Variants in KMT2A observed in about 807,000 individuals in gnomAD.
KMT2A encodes lysine methyltransferase 2A, also known as histone-lysine N-methyltransferase 2A.
Under a neutral mutation model 345.3 loss-of-function variants are expected in KMT2A, and 16 were observed. The ratio of observed to expected loss-of-function variants is 0.05; its 90% confidence interval spans 0.03 to 0.07. The LOEUF (loss-of-function observed/expected upper bound fraction) is 0.07, where lower values mean the gene tolerates loss of function less well. KMT2A is among the 10% of genes least tolerant of loss of function. KMT2A has a pLI of 1.00. For missense variants in KMT2A, 3,272 were observed against 4,841.6 expected, an observed-to-expected ratio of 0.68 and a Z score of 9.62; for synonymous variants, 1,599 against 1,778.6, an observed-to-expected ratio of 0.90 and a Z score of 2.54.
In KMT2A at chr11:118,491,699, T is replaced by C. The variant is rs562780; in HGVS notation, c.4820-45T>C. Reference sequence around the variant, plus strand: ...AATAGTTTCCTCTTCTTCCTCTCTCTCATTCTTCAGAGGACCTCATCATGG... The same window carrying C: ...AATAGTTTCCTCTTCTTCCTCTCTCCCATTCTTCAGAGGACCTCATCATGG... On this transcript the variant is annotated intron_variant, in intron 14 of 35. Coordinates refer to ENST00000534358, the MANE Select transcript of KMT2A (RefSeq NM_001197104.2). This position sits in a 1 kb window ranked among gnomAD's most constrained non-coding sequence, Gnocchi z 4.2. The C allele has an allele frequency of 0.85, 1,210,188 of 1,417,222 alleles. 522,081 individuals are homozygous for C. Among genetic ancestry groups the C allele is most frequent in the Admixed American group, 0.93 (43,777 of 46,994 alleles). The allele number at this position is 1,417,222 out of a possible 1,614,324, so 87.8% of individuals were successfully genotyped here.
Position 118,481,613 on chromosome 11 carries a change from C to A in KMT2A, c.3635-102C>A, listed in dbSNP as rs1451506533. The stretch of plus-strand genomic sequence containing the variant: ...CTGATTTCCTTTATTTTGGTATATA[C>A]CTAGCTGTGGGATTGCTGGATCATA... On this transcript the variant is annotated intron_variant, in intron 6 of 35. Transcript: ENST00000534358. The A allele has an allele frequency of 2.4e-6, 3 of 1,267,752 alleles. No individual in the cohort carries two copies. In the Admixed American group the frequency reaches 6.9e-5, roughly 29 times the overall value. 78.5% of individuals were successfully genotyped at this position (1,267,752 alleles called of 1,614,324 possible).
intron 24 of KMT2A, chr11:118,500,782 T>C (rs1950488370): frequency 2.5e-6 from 1 of 406,312 alleles, no homozygotes; most frequent in South Asian, 8.6e-5. Flanking sequence ...CTTAGGCTAT[T>C]TTCTGAGAGG....
intron 1 of KMT2A, chr11:118,449,075 T>C (rs1361263485): frequency 1.3e-5 from 2 of 152,142 alleles, no homozygotes; most frequent in Middle Eastern, 3.2e-3. Context: ...GTTGGAGTAA[T>C]AAAAAATACC....
chr11:118,488,541 A>C, intron 10 of KMT2A, 73 bp from the exon 11 acceptor site: 1 of 1,524,490 alleles, frequency 6.6e-7, no homozygotes, highest in Non-Finnish European at 9.1e-7. Flanking sequence ...AAAGTATATA[A>C]GAAGGGTATG....
intron 1 of KMT2A, among the ~76,000 whole-genome samples, chr11:118,440,410 G>A (rs1230951917): frequency 6.6e-6 from 1 of 152,102 alleles, no homozygotes; most frequent in Non-Finnish European, 1.5e-5. Flanking sequence ...ATTCTCTCAG[G>A]TAATGTTCAT....
intron 1 of KMT2A, among the ~76,000 whole-genome samples, chr11:118,466,269 G>A (rs1471385104): frequency 1.3e-5 from 2 of 152,068 alleles, no homozygotes; most frequent in African/African-American, 4.8e-5. Flanking sequence ...GTTTGAGGCT[G>A]CAGTGAGCCG....
chr11:118,511,996 A>T lies in KMT2A; in HGVS notation c.11117A>T (p.Asn3706Ile). 1 of 1,614,128 alleles carries T rather than the reference A, an allele frequency of 6.2e-7. No individual in the cohort carries two copies. The highest frequency in any genetic ancestry group is 1.1e-5 in the South Asian group (1 of 91,082). The change falls in exon 31 of 36, where the codon AAT becomes ATT. Residue 3706 changes from asparagine (N) to isoleucine (I), a missense_variant. Physicochemically the swap from Asn to Ile is moderately radical, Grantham distance 149. Around this residue, in one of 27 missense-constraint regions of KMT2A, gnomAD observed 72 missense variants for 135.6 expected, o/e 0.53. Transcript: ENST00000534358. Reference sequence around the variant, plus strand: ...GATAAAGTCCAGGAAGCTCGATCAAATGCCCGCCTAAAGCAGCTCTCATTT... The same window carrying T: ...GATAAAGTCCAGGAAGCTCGATCAATTGCCCGCCTAAAGCAGCTCTCATTT... ...LTDKVQEARS[N>I]ARLKQLSFAG...
Position 118,524,007 on chromosome 11 carries a change from C to CG in KMT2A, c.*1837dup. On this transcript the variant is annotated 3_prime_UTR_variant, in exon 36 of 36. Coordinates refer to ENST00000534358, the MANE Select transcript of KMT2A (RefSeq NM_001197104.2). The stretch of plus-strand genomic sequence containing the variant: ...GCGCAACTTCCAGAGTGGTGGGAGA[C>CG]GGCAATCTTTACATTTCCCTCATCT... 5.0e-6 allele frequency: 1 copy of CG among 201,746 alleles called. No homozygotes were observed. The highest frequency in any genetic ancestry group is 7.6e-5 in the East Asian group (1 of 13,182). 12.5% of individuals were successfully genotyped at this position (201,746 alleles called of 1,614,324 possible).
At position 118,484,963 on chromosome 11, in the gene KMT2A, T is replaced by C; in HGVS notation, c.4320T>C (p.Ser1440=). The C allele has an allele frequency of 1.2e-6, 2 of 1,606,112 alleles. No individual in the cohort carries two copies. The highest frequency in any genetic ancestry group is 2.2e-5 in the East Asian group (1 of 44,846). Residue 1440 remains serine, a synonymous_variant, in exon 10 of 36, where the codon AGT becomes AGC. Coordinates refer to ENST00000534358, the MANE Select transcript of KMT2A (RefSeq NM_001197104.2). The surrounding 1 kb of genome is among the most constrained non-coding windows in gnomAD (Gnocchi z 4.1). ...TGGTTTGCTTTCTCTGTGCCAGTAGTGGGCATGTAGAGGTAAGGCATCCTG... is the reference window on the plus strand; with the variant it reads ...TGGTTTGCTTTCTCTGTGCCAGTAGCGGGCATGTAGAGGTAAGGCATCCTG... ...PRVVCFLCAS[S]GHVEFVYCQV...
intron 8 of KMT2A, among the ~76,000 whole-genome samples, chr11:118,483,176 T>G (rs1555039817): frequency 1.3e-5 from 2 of 148,234 alleles, no homozygotes; most frequent in East Asian, 2.0e-4. Flanking sequence ...GAGGCTGCAG[T>G]GAGCCGAGAT....
rs1950989302 is a variant in KMT2A, at chr11:118,522,380, C to G, written c.*208C>G. On this transcript the variant is annotated 3_prime_UTR_variant, in exon 36 of 36. Transcript: ENST00000534358. The surrounding 1 kb of genome is among the most constrained non-coding windows in gnomAD (Gnocchi z 5.4). ...GAGTTGAGGTCTCGAAGAAAAGATC[C>G]ATGATCGGCTTTCTCCTGGGGCCCC... 1 of 563,578 alleles carries G rather than the reference C, an allele frequency of 1.8e-6. No homozygotes were observed. 34.9% of individuals were successfully genotyped at this position (563,578 alleles called of 1,614,324 possible).
chr11:118,511,378 G>T (rs375654135), intron 30 of KMT2A, among the ~76,000 whole-genome samples: 3 of 152,164 alleles, frequency 2.0e-5, no homozygotes, highest in East Asian at 3.9e-4. Flanking sequence ...GAGAACAAAG[G>T]AGATAAGTAA....
At chr11:118,462,571 T>C (rs1949765011) in intron 1 of KMT2A, among the ~76,000 whole-genome samples, 2 of 152,124 alleles carry the variant, frequency 1.3e-5, no homozygotes, top group African/African-American at 4.8e-5. Context: ...TATTTATTTA[T>C]TTTTTGAGAC....
intron 2 of KMT2A, among the ~76,000 whole-genome samples, chr11:118,471,329 A>G (rs1330597445): frequency 6.6e-6 from 1 of 152,180 alleles, no homozygotes; most frequent in East Asian, 1.9e-4. Flanking sequence ...TTTTTTCTTT[A>G]CAATTCCTTT....
At position 118,509,208 on chromosome 11, in the gene KMT2A, G is replaced by C. The variant is rs782721966; in HGVS notation, c.10900+8G>C. ...ATGAACAAGAAAGTGCAGGTATGTG[G>C]GTGGGTAAAAGGTTAGAATCAGAGA... On this transcript the variant is annotated splice_region_variant and intron_variant, in intron 29 of 35. Coordinates refer to ENST00000534358, the MANE Select transcript of KMT2A (RefSeq NM_001197104.2). The C allele has an allele frequency of 6.2e-7, 1 of 1,610,128 alleles. No individual in the cohort carries two copies. The highest frequency in any genetic ancestry group is 8.5e-7 in the Non-Finnish European group (1 of 1,176,740).
In KMT2A at chr11:118,503,995, A is replaced by C. The variant is rs782800336; in HGVS notation, c.8103A>C (p.Ala2701=). Residue 2701 remains alanine, a synonymous_variant, in exon 27 of 36, where the codon GCA becomes GCC. Coordinates refer to ENST00000534358, the MANE Select transcript of KMT2A (RefSeq NM_001197104.2). This position sits in a 1 kb window ranked among gnomAD's most constrained non-coding sequence, Gnocchi z 5.3. ...VISSGGEERL[A]SHNLFREEEQ... ...CTTCAGGTGGAGAGGAACGACTGGC[A>C]TCCCATAATTTATTTCGGGAGGAGG... 6.2e-7 allele frequency: 1 copy of C among 1,614,234 alleles called. No homozygotes were observed. The highest frequency in any genetic ancestry group is 1.1e-5 in the South Asian group (1 of 91,084).
Position 118,471,801 on chromosome 11 carries a change from T to A in KMT2A, c.642T>A (p.Asp214Glu), listed in dbSNP as rs782271461. The change falls in exon 3 of 36, where the codon GAT becomes GAA. Residue 214 changes from aspartate to glutamate, a missense_variant. This residue lies in a region of KMT2A where 412 missense variants were observed against 511.0 expected (regional missense o/e 0.81). Transcript: ENST00000534358. ...TKSGDKIKKK[D>E]SKSIEKKRGR... is the part of the protein sequence containing the mutation. Reference sequence around the variant, plus strand: ...CTGGAGATAAGATCAAGAAGAAAGATTCTAAAAGTATAGAAAAGAAGAGAG... The same window carrying A: ...CTGGAGATAAGATCAAGAAGAAAGAATCTAAAAGTATAGAAAAGAAGAGAG... 1 of 1,613,602 alleles carries A rather than the reference T, an allele frequency of 6.2e-7. No homozygotes were observed. The highest frequency in any genetic ancestry group is 1.1e-5 in the South Asian group (1 of 91,034).
chr11:118,483,466 G>A (rs895153684), intron 8 of KMT2A, among the ~76,000 whole-genome samples: 8 of 152,170 alleles, frequency 5.3e-5, no homozygotes, highest in African/African-American at 1.9e-4. Context: ...CCGGGGGGCG[G>A]AGCCTGCAGT....
rs2134350279 is a variant in KMT2A, at chr11:118,494,479, T to C, written c.5289+81T>C. 2 of 896,952 alleles carry C rather than the reference T, an allele frequency of 2.2e-6. No individual in the cohort carries two copies. The highest frequency in any genetic ancestry group is 5.2e-5 in the East Asian group (2 of 38,310). 55.6% of individuals were successfully genotyped at this position (896,952 alleles called of 1,614,324 possible). On this transcript the variant is annotated intron_variant, in intron 17 of 35. Transcript: ENST00000534358. This position sits in a 1 kb window ranked among gnomAD's most constrained non-coding sequence, Gnocchi z 5.8. ...TGAATACAATGAACTTGTTCTCTTCTACTTTTTGCTTTGTGGTGTGTATAA... is the reference window on the plus strand; with the variant it reads ...TGAATACAATGAACTTGTTCTCTTCCACTTTTTGCTTTGTGGTGTGTATAA...
Sources: gnomAD v4.1 joint callset for allele counts (sites outside exome capture counted in the v4.1 genomes callset) on GRCh38, gnomAD v4.1.1 for gene constraint, gnomAD v4.1.1 regional missense constraint, Gnocchi (gnomAD v3.1) non-coding constraint, MANE v1.5 for transcripts, NCBI Gene and HGNC (gene_info 2026-07-23, HGNC 2026-07-21) for gene names.